ORAI3: variants seen among roughly 807,000 people sequenced by gnomAD.
The protein encoded by ORAI3 is protein orai-3.
A neutral mutation model predicts 17.2 loss-of-function variants in ORAI3; 15 were observed. That is an observed-to-expected ratio of 0.87 (90% CI 0.58 to 1.34). ORAI3 has a LOEUF of 1.34. Among genes scored for constraint, ORAI3 ranks in the 40% most tolerant of loss-of-function variants. The probability of loss-of-function intolerance (pLI) is 0.00; values close to 1 mark genes in which losing one functional copy is unlikely to be tolerated. For synonymous variants in ORAI3, 178 were observed against 172.4 expected, an observed-to-expected ratio of 1.03 and a Z score of -0.25; for missense variants, 405 against 396.7, an observed-to-expected ratio of 1.02 and a Z score of -0.18.
Position 30,953,466 on chromosome 16 carries a change from T to C in ORAI3, c.510T>C (p.Gly170=). The C allele has an allele frequency of 6.2e-7, 1 of 1,614,256 alleles. No individual in the cohort carries two copies. The highest frequency in any genetic ancestry group is 1.1e-5 in the South Asian group (1 of 91,086). ...TCCTTGCTGAAGTTGTCCTGGTTGG[T>C]TGGGTCAAGTTTGTGCCCATTGGGG... ...FLFLAEVVLV[G]WVKFVPIGAP... The change falls in exon 2 of 2, where the codon GGT becomes GGC. Residue 170 remains glycine, a synonymous_variant. Coordinates refer to ENST00000318663, the MANE Select transcript of ORAI3 (RefSeq NM_152288.3).
At chr16:30,950,260 C>T (rs367688177) in intron 1 of ORAI3, among the ~76,000 whole-genome samples, 7 of 152,214 alleles carry the variant, frequency 4.6e-5, no homozygotes, top group African/African-American at 9.6e-5. Flanking sequence ...GCCTCCACCC[C>T]GCTTGCAAGC....
chr16:30,951,589 G>T (rs2055925086), intron 1 of ORAI3, among the ~76,000 whole-genome samples: 1 of 152,168 alleles, frequency 6.6e-6, no homozygotes, highest in African/African-American at 2.4e-5. Context: ...CATTGGGGGT[G>T]ATGGCTCACA....
intron 1 of ORAI3, among the ~76,000 whole-genome samples, chr16:30,950,302 C>T (rs957212743): frequency 1.3e-5 from 2 of 152,126 alleles, no homozygotes; most frequent in African/African-American, 4.8e-5. Context: ...GAGGGTGCGC[C>T]CTCTGTAGCC....
chr16:30,953,187 G>A lies in ORAI3; in HGVS notation c.231G>A (p.Val77=), dbSNP rs2055932429. ...TACATCCCCTCTTGTCCCTGCAGGT[G>A]GCCATGGTGGAGGTGCAGCTGGAGA... ...TSALLSGFAM[V]AMVEVQLESD... is the part of the protein sequence containing the mutation. The change falls in exon 2 of 2, where the codon GTG becomes GTA. Residue 77 remains valine (V), a splice_region_variant and synonymous_variant. Coordinates refer to ENST00000318663, the MANE Select transcript of ORAI3 (RefSeq NM_152288.3). The A allele has an allele frequency of 1.9e-6, 3 of 1,572,796 alleles. No individual in the cohort carries two copies. Among genetic ancestry groups the A allele is most frequent in the Admixed American group, 3.6e-5 (2 of 55,480 alleles).
intron 1 of ORAI3, among the ~76,000 whole-genome samples, chr16:30,951,152 T>C (rs1424960524): frequency 3.9e-5 from 6 of 151,902 alleles, no homozygotes; most frequent in East Asian, 1.9e-4. Context: ...ACACCTACCT[T>C]CTTCTTTCCC....
chr16:30,949,093 C>A lies in ORAI3; in HGVS notation c.-197C>A. On this transcript the variant is annotated 5_prime_UTR_variant, in exon 1 of 2. Transcript: ENST00000318663. Reference sequence around the variant, plus strand: ...AGTTCCTGTTTTGGCCTCCGCTGTCCCGCTCCGGCTCCTGGGGCTCCCCGC... The same window carrying A: ...AGTTCCTGTTTTGGCCTCCGCTGTCACGCTCCGGCTCCTGGGGCTCCCCGC... 6.3e-6 allele frequency: 3 copies of A among 474,106 alleles called. No homozygotes were observed. In the East Asian group the frequency reaches 1.1e-4, roughly 17 times the overall value. 29.4% of individuals were successfully genotyped at this position (474,106 alleles called of 1,614,324 possible). A position where few individuals can be genotyped will look rare whatever the true frequency, so the allele number is the denominator to read the frequency against.
In ORAI3 at chr16:30,953,719, G is replaced by A. The variant is rs755651840; in HGVS notation, c.763G>A (p.Val255Met). 35 of 1,614,084 alleles carry A rather than the reference G, an allele frequency of 2.2e-5. 1 individual carries two copies. In the South Asian group the frequency reaches 3.3e-4, roughly 15 times the overall value. ...AMASTAIMVP[V>M]GLVFVAFALH... is the part of the protein sequence containing the mutation. The stretch of plus-strand genomic sequence containing the variant: ...GGCCTCCACAGCCATCATGGTACCC[G>A]TGGGGCTCGTGTTTGTGGCCTTTGC... The change falls in exon 2 of 2, where the codon GTG (valine) becomes ATG (methionine). Residue 255 changes from valine (V) to methionine (M), a missense_variant. Coordinates refer to ENST00000318663, the MANE Select transcript of ORAI3 (RefSeq NM_152288.3).
At position 30,953,381 on chromosome 16, in the gene ORAI3, G is replaced by A; in HGVS notation, c.425G>A (p.Arg142Lys). 1 of 1,614,236 alleles carries A rather than the reference G, an allele frequency of 6.2e-7. No homozygotes were observed. Among genetic ancestry groups the A allele is most frequent in the Non-Finnish European group, 8.5e-7 (1 of 1,180,030 alleles). ...LNSVHQSPHQ[R>K]LHRYVELAWG... is the part of the protein sequence containing the mutation. ...TCTGTCCACCAGTCGCCACACCAGAGACTGCACCGCTACGTGGAGCTGGCC... is the reference window on the plus strand; with the variant it reads ...TCTGTCCACCAGTCGCCACACCAGAAACTGCACCGCTACGTGGAGCTGGCC... The change falls in exon 2 of 2, where the codon AGA becomes AAA. Residue 142 changes from arginine (R) to lysine (K), a missense_variant. By Grantham distance (26) the Arg-to-Lys change is conservative (BLOSUM62 2). Coordinates refer to ENST00000318663, the MANE Select transcript of ORAI3 (RefSeq NM_152288.3).
chr16:30,954,333 A>G lies in ORAI3; in HGVS notation c.*489A>G. The G allele has an allele frequency of 3.6e-6, 2 of 562,020 alleles. No homozygotes were observed. The highest frequency in any genetic ancestry group is 6.3e-6 in the Non-Finnish European group (2 of 315,074). 34.8% of individuals were successfully genotyped at this position (562,020 alleles called of 1,614,324 possible). Reference sequence around the variant, plus strand: ...TCCAGGCTCAAAAGATGCTCCCACCACAGCCTCCCAGGTAGTGAGTAGCTG... The same window carrying G: ...TCCAGGCTCAAAAGATGCTCCCACCGCAGCCTCCCAGGTAGTGAGTAGCTG... On this transcript the variant is annotated 3_prime_UTR_variant, in exon 2 of 2. Transcript: ENST00000318663.
At chr16:30,952,195 C>T (rs951092551) in intron 1 of ORAI3, among the ~76,000 whole-genome samples, 4 of 148,092 alleles carry the variant, frequency 2.7e-5, no homozygotes, top group African/African-American at 7.5e-5. Context: ...GGTGCGATCT[C>T]GGCTCACTGC....
At position 30,954,514 on chromosome 16, in the gene ORAI3, T is replaced by C. The variant is rs2055942434; in HGVS notation, c.*670T>C. The C allele has an allele frequency of 5.4e-6, 1 of 183,588 alleles. No individual in the cohort carries two copies. The highest frequency in any genetic ancestry group is 2.4e-5 in the African/African-American group (1 of 41,866). The allele number at this position is 183,588 out of a possible 1,614,324, so 11.4% of individuals were successfully genotyped here. A position where few individuals can be genotyped will look rare whatever the true frequency, so the allele number is the denominator to read the frequency against. Reference sequence around the variant, plus strand: ...CCTTTCTTTATTTCTGTAGAATCTATTTTATGGTTGGCATTTTGGGGGAAG... The same window carrying C: ...CCTTTCTTTATTTCTGTAGAATCTACTTTATGGTTGGCATTTTGGGGGAAG... On this transcript the variant is annotated 3_prime_UTR_variant, in exon 2 of 2. Transcript: ENST00000318663.
chr16:30,954,474 C>CA lies in ORAI3; in HGVS notation c.*633dup, dbSNP rs1302836167. The CA allele has an allele frequency of 8.8e-6, 2 of 227,862 alleles. No homozygotes were observed. The highest frequency in any genetic ancestry group is 8.7e-6 in the Non-Finnish European group (1 of 115,342). The allele number at this position is 227,862 out of a possible 1,614,324, so 14.1% of individuals were successfully genotyped here. ...AAGTGAACCTCCCGCCTCGGCCTCC[C>CA]AAAGTGCTGGGATTCCTTTCTTTAT... is the stretch of plus-strand genomic sequence containing the variant. On this transcript the variant is annotated 3_prime_UTR_variant, in exon 2 of 2. Coordinates refer to ENST00000318663, the MANE Select transcript of ORAI3 (RefSeq NM_152288.3).
chr16:30,954,203 C>A lies in ORAI3; in HGVS notation c.*359C>A. 1.5e-6 allele frequency: 1 copy of A among 666,576 alleles called. No individual in the cohort carries two copies. The allele number at this position is 666,576 out of a possible 1,614,324, so 41.3% of individuals were successfully genotyped here. Reference sequence around the variant, plus strand: ...CCATTCCTATACAGGATGTGAAGGTCAGAAGGCAGCCAATTGTTGGTTTAA... The same window carrying A: ...CCATTCCTATACAGGATGTGAAGGTAAGAAGGCAGCCAATTGTTGGTTTAA... On this transcript the variant is annotated 3_prime_UTR_variant, in exon 2 of 2. Transcript: ENST00000318663.
intron 1 of ORAI3, among the ~76,000 whole-genome samples, chr16:30,952,643 C>T (rs2055929507): frequency 6.6e-6 from 1 of 152,090 alleles, no homozygotes; most frequent in Non-Finnish European, 1.5e-5. Flanking sequence ...AGAAGCATGT[C>T]ATCCAGCCCT....
intron 1 of ORAI3, among the ~76,000 whole-genome samples, chr16:30,951,656 C>A (rs796973586): frequency 6.6e-6 from 1 of 151,818 alleles, no homozygotes; most frequent in Admixed American, 6.6e-5. Flanking sequence ...AGCCTAGGAG[C>A]CCAGGAGTTC....
intron 1 of ORAI3, among the ~76,000 whole-genome samples, chr16:30,950,731 C>T (rs937171365): frequency 1.3e-5 from 2 of 152,204 alleles, no homozygotes; most frequent in African/African-American, 4.8e-5. Context: ...GACCAGCTTA[C>T]CTTTCATGAT....
chr16:30,949,286 CA>C lies in ORAI3; in HGVS notation c.-3del, dbSNP rs1596661138. 2.1e-6 allele frequency: 3 copies of C among 1,402,284 alleles called. No individual in the cohort carries two copies. The highest frequency in any genetic ancestry group is 2.8e-6 in the Non-Finnish European group (3 of 1,084,196). 86.9% of individuals were successfully genotyped at this position (1,402,284 alleles called of 1,614,324 possible). A position where few individuals can be genotyped will look rare whatever the true frequency, so the allele number is the denominator to read the frequency against. ...TGACCGCCTGGTGCCGCCCCCCCCC[CA>C]GGATGAAGGGCGGCGAGGGGGACGC... On this transcript the variant is annotated 5_prime_UTR_variant, in exon 1 of 2. Coordinates refer to ENST00000318663, the MANE Select transcript of ORAI3 (RefSeq NM_152288.3).
At chr16:30,951,666 C>G (rs572150367) in intron 1 of ORAI3, among the ~76,000 whole-genome samples, 95 of 151,214 alleles carry the variant, frequency 6.3e-4, no homozygotes, top group African/African-American at 2.2e-3. Flanking sequence ...CCCAGGAGTT[C>G]GAGTCCAGCC....
Position 30,954,863 on chromosome 16 carries a change from G to A in ORAI3, c.*1019G>A, listed in dbSNP as rs1405321516. The A allele has an allele frequency of 6.6e-6, 1 of 152,242 alleles. No individual in the cohort carries two copies. Among genetic ancestry groups the A allele is most frequent in the Non-Finnish European group, 1.5e-5 (1 of 68,060 alleles). The allele number at this position is 152,242 out of a possible 1,614,324, so 9.4% of individuals were successfully genotyped here. A position where few individuals can be genotyped will look rare whatever the true frequency, so the allele number is the denominator to read the frequency against. On this transcript the variant is annotated 3_prime_UTR_variant, in exon 2 of 2. Transcript: ENST00000318663. ...TTTAAGGGAGAAGGTCCAGTCCTTA[G>A]CCCTTGAAATACAAAGCTCTTCTGA...
Sources: allele counts gnomAD v4.1 joint callset (sites outside exome capture counted in the v4.1 genomes callset), GRCh38; gene constraint gnomAD v4.1.1; transcripts MANE v1.5; gene names NCBI Gene and HGNC (gene_info 2026-07-23, HGNC 2026-07-21).